The following NBEAL2 variants were observed in gnomAD, a reference collection of about 807,000 sequenced individuals.
The protein encoded by NBEAL2 is neurobeachin-like protein 2.
A neutral mutation model predicts 299.8 loss-of-function variants in NBEAL2; 160 were observed. The ratio of observed to expected loss-of-function variants is 0.53; its 90% confidence interval spans 0.47 to 0.61. The LOEUF (loss-of-function observed/expected upper bound fraction) is 0.61, where lower values mean the gene tolerates loss of function less well. Among genes scored for constraint, NBEAL2 ranks in the 20% least tolerant of loss-of-function variants. NBEAL2 has a pLI of 0.00. For synonymous variants in NBEAL2, 1,493 were observed against 1,542.3 expected, an observed-to-expected ratio of 0.97 and a Z score of 0.75; for missense variants, 3,112 against 3,649.0, an observed-to-expected ratio of 0.85 and a Z score of 3.79.
In NBEAL2 at chr3:47,005,465, C is replaced by T; in HGVS notation, c.6561-24C>T. The T allele has an allele frequency of 1.9e-6, 3 of 1,607,856 alleles. 1 individual carries two copies. The South Asian group carries it at 3.3e-5, about 18-fold the overall frequency. On this transcript the variant is annotated intron_variant, in intron 40 of 53. Transcript: ENST00000450053. The stretch of plus-strand genomic sequence containing the variant: ...CCTGTCTCCATTCTCCCCACCTCAC[C>T]TTGGCCCCGTGCCCCTCCCCCAGCT...
Position 46,989,252 on chromosome 3 carries a change from A to C in NBEAL2, c.352-8A>C, listed in dbSNP as rs759880358. 6.2e-7 allele frequency: 1 copy of C among 1,612,094 alleles called. No homozygotes were observed. On this transcript the variant is annotated splice_region_variant and splice_polypyrimidine_tract_variant and intron_variant, in intron 4 of 53. Coordinates refer to ENST00000450053, the MANE Select transcript of NBEAL2 (RefSeq NM_015175.3). This position sits in a 1 kb window ranked among gnomAD's most constrained non-coding sequence, Gnocchi z 5.5. ...GGCGGGGCTAACCCTCTCTCCCCAC[A>C]CCTACAGCTGAAAGGATGCCCACCA...
At position 46,995,838 on chromosome 3, in the gene NBEAL2, T is replaced by C; in HGVS notation, c.2023T>C (p.Ser675Pro). ...MSLPEVSFAD[S>P]AWHCVAIVHV... ...TTTGCCCGAAGTGTCCTTTGCCGACTCTGCCTGGGTGAGACCCCATCCTTC... is the reference window on the plus strand; with the variant it reads ...TTTGCCCGAAGTGTCCTTTGCCGACCCTGCCTGGGTGAGACCCCATCCTTC... The change falls in exon 14 of 54, where the codon TCT becomes CCT. Residue 675 changes from serine to proline, a missense_variant. Around this residue, in one of 3 missense-constraint regions of NBEAL2, gnomAD observed 2,243 missense variants for 2,538.1 expected, o/e 0.88. Coordinates refer to ENST00000450053, the MANE Select transcript of NBEAL2 (RefSeq NM_015175.3). 6.2e-7 allele frequency: 1 copy of C among 1,613,842 alleles called. No homozygotes were observed. Among genetic ancestry groups the C allele is most frequent in the Non-Finnish European group, 8.5e-7 (1 of 1,179,854 alleles).
Position 46,998,941 on chromosome 3 carries a change from G to A in NBEAL2, c.3385-18G>A. 6.2e-7 allele frequency: 1 copy of A among 1,604,714 alleles called. No homozygotes were observed. The highest frequency in any genetic ancestry group is 8.5e-7 in the Non-Finnish European group (1 of 1,175,898). On this transcript the variant is annotated intron_variant, in intron 23 of 53. Transcript: ENST00000450053. ...GGGGAGTGGGGGCCCGACACAGTGT[G>A]AGACCCTGCATCCCCAGGCGGTGGG...
rs2037625194 is a variant in NBEAL2, at chr3:47,008,381, A to G, written c.7818A>G (p.Ala2606=). ...ATFPGPIFHL[A]LGSEGQIVVQ... is the part of the protein sequence containing the mutation. Reference sequence around the variant, plus strand: ...TCCCTGGACCTATTTTCCACCTGGCATTGGGGTCCGAAGGCCAGATTGTGG... The same window carrying G: ...TCCCTGGACCTATTTTCCACCTGGCGTTGGGGTCCGAAGGCCAGATTGTGG... Residue 2606 remains alanine, a synonymous_variant, in exon 51 of 54, where the codon GCA becomes GCG. Transcript: ENST00000450053. 1 of 1,613,786 alleles carries G rather than the reference A, an allele frequency of 6.2e-7. No individual in the cohort carries two copies.
Position 47,005,026 on chromosome 3 carries a change from G to C in NBEAL2, c.6349G>C (p.Ala2117Pro). 6.2e-7 allele frequency: 1 copy of C among 1,612,726 alleles called. No homozygotes were observed. The highest frequency in any genetic ancestry group is 8.5e-7 in the Non-Finnish European group (1 of 1,179,396). Reference sequence around the variant, plus strand: ...CCCAACCCTGGACCTCAGCAACCCAGCCGTCTTCCGGGACCTGTCTAAGCC... The same window carrying C: ...CCCAACCCTGGACCTCAGCAACCCACCCGTCTTCCGGGACCTGTCTAAGCC... ...VSPTLDLSNP[A>P]VFRDLSKPIG... The change falls in exon 39 of 54, where the codon GCC (alanine) becomes CCC (proline). Residue 2117 changes from alanine to proline, a missense_variant. Transcript: ENST00000450053.
Position 46,988,153 on chromosome 3 carries a change from G to A in NBEAL2, c.52-516G>A. 2 of 1,023,336 alleles carry A rather than the reference G, an allele frequency of 2.0e-6. No individual in the cohort carries two copies. The highest frequency in any genetic ancestry group is 2.5e-6 in the Non-Finnish European group (2 of 796,580). 63.4% of individuals were successfully genotyped at this position (1,023,336 alleles called of 1,614,324 possible). A position where few individuals can be genotyped will look rare whatever the true frequency, so the allele number is the denominator to read the frequency against. On this transcript the variant is annotated intron_variant, in intron 1 of 53. Transcript: ENST00000450053. The surrounding 1 kb of genome is among the most constrained non-coding windows in gnomAD (Gnocchi z 4.4). ...TGAGGATGTGCGCATGTCTGGGTCT[G>A]CCTGTCTAATGGTACACGTGTGTCC...
In NBEAL2 at chr3:47,006,610, G is replaced by A. The variant is rs536257700; in HGVS notation, c.7134+161G>A. Among the ~76,000 whole-genome samples the A allele has an allele frequency of 9.2e-5, 14 of 152,270 alleles. No homozygotes were observed. In the Middle Eastern group the frequency reaches 0.014, roughly 149 times the overall value. ...CATGGGAAGAGTATGGGGGCAGGAG[G>A]GGTGCCTTCTTCATCAGGGCCAGGA... On this transcript the variant is annotated intron_variant, in intron 45 of 53. Transcript: ENST00000450053.
rs1244210827 is a variant in NBEAL2 at position 47,004,348 on chromosome 3, C to T, written c.6153C>T (p.Ser2051=). 1 of 1,605,602 alleles carries T rather than the reference C, an allele frequency of 6.2e-7. No homozygotes were observed. The highest frequency in any genetic ancestry group is 2.2e-5 in the East Asian group (1 of 44,778). The change falls in exon 37 of 54, where the codon AGC becomes AGT. Residue 2051 remains serine (S), a synonymous_variant. Coordinates refer to ENST00000450053, the MANE Select transcript of NBEAL2 (RefSeq NM_015175.3). The surrounding 1 kb of genome is among the most constrained non-coding windows in gnomAD (Gnocchi z 5.0). Reference sequence around the variant, plus strand: ...GGCCCCCCTCTCAAGGCTACCTAAGCAGCCGCTCCCCCCAGGAGATGCTGC... The same window carrying T: ...GGCCCCCCTCTCAAGGCTACCTAAGTAGCCGCTCCCCCCAGGAGATGCTGC... ...RLRPPSQGYL[S]SRSPQEMLRA...
At chr3:46,998,609 T>A in intron 22 of NBEAL2, 44 bp downstream of exon 22, 1 of 1,585,276 alleles carries the variant, frequency 6.3e-7, no homozygotes, top group Non-Finnish European at 8.6e-7. Flanking sequence ...GCTGACACAG[T>A]GGCCTCCGGC....
intron 47 of NBEAL2, 55 bp from the exon 48 acceptor site, chr3:47,007,470 C>T: frequency 6.3e-7 from 1 of 1,575,840 alleles, no homozygotes; most frequent in Non-Finnish European, 8.6e-7. Context: ...TCCCTGAGGG[C>T]CTGGGTCTCT....
chr3:46,998,863 C>T lies in NBEAL2; in HGVS notation c.3368C>T (p.Thr1123Ile), dbSNP rs766062810. 2.5e-6 allele frequency: 4 copies of T among 1,589,588 alleles called. No individual in the cohort carries two copies. The highest frequency in any genetic ancestry group is 3.4e-6 in the Non-Finnish European group (4 of 1,168,356). ...ACCATGCTGAGCTTTTTGGCGGCCACAGGCGATGACGGTCAGGTAGGCTGG... is the reference window on the plus strand; with the variant it reads ...ACCATGCTGAGCTTTTTGGCGGCCATAGGCGATGACGGTCAGGTAGGCTGG... ...TQTMLSFLAA[T>I]GDDGQAVGAL... Residue 1123 changes from threonine to isoleucine, a missense_variant, in exon 23 of 54, where the codon ACA becomes ATA. By Grantham distance (89) the Thr-to-Ile change is moderately conservative. Transcript: ENST00000450053.
In NBEAL2 at chr3:47,003,164, C is replaced by T; in HGVS notation, c.5585-10C>T. ...CCTTGCTTCTGCTGAGTACCCTTGG[C>T]CCCTTGCAGGTGAGGTTCCCCTGAC... is the stretch of plus-strand genomic sequence containing the variant. On this transcript the variant is annotated splice_polypyrimidine_tract_variant and intron_variant, in intron 34 of 53. Coordinates refer to ENST00000450053, the MANE Select transcript of NBEAL2 (RefSeq NM_015175.3). The surrounding 1 kb of genome is among the most constrained non-coding windows in gnomAD (Gnocchi z 7.0). 2.5e-6 allele frequency: 4 copies of T among 1,604,914 alleles called. No homozygotes were observed. In the South Asian group the frequency reaches 4.4e-5, roughly 18 times the overall value.
chr3:47,005,266 T>C lies in NBEAL2; in HGVS notation c.6505T>C (p.Tyr2169His). The C allele has an allele frequency of 6.2e-7, 1 of 1,613,400 alleles. No individual in the cohort carries two copies. Among genetic ancestry groups the C allele is most frequent in the Non-Finnish European group, 8.5e-7 (1 of 1,179,868 alleles). Reference sequence around the variant, plus strand: ...CTCCAATGCAGCAGGCGTGATGCACTACCTCATCCGCGTGGAGCCCTTCAC... The same window carrying C: ...CTCCAATGCAGCAGGCGTGATGCACCACCTCATCCGCGTGGAGCCCTTCAC... Reference protein sequence around the residue: ...HYSNAAGVMHYLIRVEPFTSL... With the variant: ...HYSNAAGVMHHLIRVEPFTSL... The change falls in exon 40 of 54, where the codon TAC (tyrosine) becomes CAC (histidine). Residue 2169 changes from tyrosine (Y) to histidine (H), a missense_variant. Tyr to His is a moderately conservative substitution (Grantham distance 83, BLOSUM62 2). This residue lies in a region of NBEAL2 where 521 missense variants were observed against 729.6 expected (regional missense o/e 0.71). Coordinates refer to ENST00000450053, the MANE Select transcript of NBEAL2 (RefSeq NM_015175.3).
intron 11 of NBEAL2, 96 bp downstream of exon 11, chr3:46,994,116 T>A: frequency 7.7e-7 from 1 of 1,297,912 alleles, no homozygotes; most frequent in Non-Finnish European, 1.1e-6. Context: ...ATAAGCATCC[T>A]GCTCCCTGGA....
In NBEAL2 at chr3:46,982,289, A is replaced by G. The variant is rs549816780; in HGVS notation, c.51+2377A>G. On this transcript the variant is annotated intron_variant, in intron 1 of 53. Coordinates refer to ENST00000450053, the MANE Select transcript of NBEAL2 (RefSeq NM_015175.3). This position sits in a 1 kb window ranked among gnomAD's most constrained non-coding sequence, Gnocchi z 4.2. ...TTAGTTGGCCAGCCACCCAGCCAGC[A>G]ACACCTGCACCCCTCCCTTCAGCAG... Among the ~76,000 whole-genome samples the G allele has an allele frequency of 6.6e-6, 1 of 152,290 alleles. No individual in the cohort carries two copies. Among genetic ancestry groups the G allele is most frequent in the East Asian group, 1.9e-4 (1 of 5,180 alleles).
rs1559623678 is a variant in NBEAL2, at chr3:47,007,983, C to A, written c.7602+73C>A. On this transcript the variant is annotated intron_variant, in intron 49 of 53. Transcript: ENST00000450053. ...AGCCCATCCGTCCCTCAGTGGCCTTCCAGTCCTGTCCTCCTCTAGTCTTGG... is the reference window on the plus strand; with the variant it reads ...AGCCCATCCGTCCCTCAGTGGCCTTACAGTCCTGTCCTCCTCTAGTCTTGG... 2.5e-6 allele frequency: 4 copies of A among 1,579,738 alleles called. No homozygotes were observed. In the East Asian group the frequency reaches 6.8e-5, roughly 27 times the overall value.
At position 47,003,975 on chromosome 3, in the gene NBEAL2, G is replaced by C. The variant is rs570043751; in HGVS notation, c.5880G>C (p.Glu1960Asp). Residue 1960 changes from glutamate to aspartate, a missense_variant and splice_region_variant, in exon 36 of 54, where the codon GAG becomes GAC. Glu to Asp is a conservative substitution (Grantham distance 45). This residue lies in a region of NBEAL2 where 521 missense variants were observed against 729.6 expected (regional missense o/e 0.71). Coordinates refer to ENST00000450053, the MANE Select transcript of NBEAL2 (RefSeq NM_015175.3). This position sits in a 1 kb window ranked among gnomAD's most constrained non-coding sequence, Gnocchi z 7.0. ...GCACTGAGCGCGTGGAAACCGAGGA[G>C]GGTGCGTCCTGGTGGTGTGGTTTAG... is the stretch of plus-strand genomic sequence containing the variant. ...DGSTERVETE[E>D]GIGYDFRRPL... The C allele has an allele frequency of 3.1e-6, 5 of 1,613,018 alleles. No homozygotes were observed. The highest frequency in any genetic ancestry group is 2.5e-6 in the Non-Finnish European group (3 of 1,179,196).
rs1288203211 is a variant in NBEAL2, at chr3:46,995,814, T to C, written c.1999T>C (p.Leu667=). Residue 667 remains leucine (L), a synonymous_variant, in exon 14 of 54, where the codon TTG becomes CTG. Transcript: ENST00000450053. ...ACGGAAGGAGTATTTGACCATGAGT[T>C]TGCCCGAAGTGTCCTTTGCCGACTC... ...CTRKEYLTMS[L]PEVSFADSAW... The C allele has an allele frequency of 6.2e-7, 1 of 1,613,864 alleles. No homozygotes were observed. Among genetic ancestry groups the C allele is most frequent in the South Asian group, 1.1e-5 (1 of 91,090 alleles).
At chr3:46,994,254 C>G (rs1482046260) in intron 11 of NBEAL2, among the ~76,000 whole-genome samples, 1 of 152,142 alleles carries the variant, frequency 6.6e-6, no homozygotes, top group Non-Finnish European at 1.5e-5. Flanking sequence ...CTTGTAGGCC[C>G]ACCTCCATCT....
Sources: gnomAD v4.1 joint callset for allele counts (sites outside exome capture counted in the v4.1 genomes callset) on GRCh38, gnomAD v4.1.1 for gene constraint, gnomAD v4.1.1 regional missense constraint, Gnocchi (gnomAD v3.1) non-coding constraint, MANE v1.5 for transcripts, NCBI Gene and HGNC (gene_info 2026-07-23, HGNC 2026-07-21) for gene names.